AACS: variants seen among roughly 807,000 people sequenced by gnomAD.
AACS encodes acetoacetate-CoA ligase.
Under a neutral mutation model 83.1 loss-of-function variants are expected in AACS, and 69 were observed. The observed-to-expected ratio is 0.83, with a 90% CI of 0.68 to 1.01. The LOEUF is 1.01. Ranked by LOEUF, AACS falls within the 50% of genes least tolerant of loss-of-function variation. The pLI, the probability that AACS is intolerant of heterozygous loss-of-function variation, is 0.00. For synonymous variants in AACS, 333 were observed against 343.4 expected, an observed-to-expected ratio of 0.97 and a Z score of 0.33; for missense variants, 866 against 882.2, an observed-to-expected ratio of 0.98 and a Z score of 0.23.
intron 5 of AACS, chr12:125,092,626 T>G (rs1340856655): frequency 1.3e-5 from 2 of 152,352 alleles, no homozygotes; most frequent in Non-Finnish European, 2.9e-5. Context: ...AGATCTGTAC[T>G]GTGTGGCTGG....
intron 5 of AACS, 190 bp from the exon 6 acceptor site, chr12:125,102,489 C>T: frequency 1.8e-6 from 1 of 557,344 alleles, no homozygotes; most frequent in Non-Finnish European, 3.2e-6. Flanking sequence ...TTTTTAGAGA[C>T]AGGGTCTCAC....
chr12:125,083,447 G>A (rs1270876901), intron 3 of AACS, among the ~76,000 whole-genome samples: 2 of 152,170 alleles, frequency 1.3e-5, no homozygotes, highest in Non-Finnish European at 2.9e-5. Flanking sequence ...TGTGGAGGCC[G>A]GCTACACACT....
rs370378545 is a variant in AACS, at chr12:125,067,714, A to G, written c.133+1997A>G. On this transcript the variant is annotated intron_variant, in intron 1 of 17. Transcript: ENST00000316519. ...ATGCCCGGCTAATTTTTGTATTTTT[A>G]GTAGAGACGGGGTTTCACCATGTAG... 4.9e-4 allele frequency among the ~76,000 whole-genome samples: 74 copies of G among 152,022 alleles called. 1 individual carries two copies. The highest frequency in any genetic ancestry group is 1.8e-3 in the African/African-American group (73 of 41,448).
chr12:125,066,321 C>T (rs1416387772), intron 1 of AACS, among the ~76,000 whole-genome samples: 1 of 151,978 alleles, frequency 6.6e-6, no homozygotes, highest in Non-Finnish European at 1.5e-5. Flanking sequence ...CTGCCTCTCT[C>T]GGTGCGGGTG....
rs556780146 is a variant in AACS at position 125,097,886 on chromosome 12, GTCC to G, written c.571-4788_571-4786del. On this transcript the variant is annotated intron_variant, in intron 5 of 17. Coordinates refer to ENST00000316519, the MANE Select transcript of AACS (RefSeq NM_023928.5). This position sits in a 1 kb window ranked among gnomAD's most constrained non-coding sequence, Gnocchi z 4.3. ...TGGCTGTTCTTGCCGCCTCTCCACT[GTCC>G]TCCTTCATACGTTTGATTGAGCGGT... Among the ~76,000 whole-genome samples, 37 of 152,252 alleles carry G rather than the reference GTCC, an allele frequency of 2.4e-4. No homozygotes were observed. The highest frequency in any genetic ancestry group is 8.7e-4 in the African/African-American group (36 of 41,552).
chr12:125,070,199 G>A (rs538400361), intron 1 of AACS, among the ~76,000 whole-genome samples: 1 of 152,318 alleles, frequency 6.6e-6, no homozygotes, highest in South Asian at 2.1e-4. Flanking sequence ...CGGTTCTCCT[G>A]TCCAGCCTGC....
intron 1 of AACS, among the ~76,000 whole-genome samples, chr12:125,070,506 A>G (rs1955831737): frequency 6.6e-6 from 1 of 152,164 alleles, no homozygotes; most frequent in South Asian, 2.1e-4. Flanking sequence ...CTCTAAGAAA[A>G]TGAATAATAA....
intron 4 of AACS, among the ~76,000 whole-genome samples, chr12:125,089,424 TC>T (rs1956412685): frequency 6.6e-6 from 1 of 152,142 alleles, no homozygotes; most frequent in South Asian, 2.1e-4. Context: ...TGGCCCTTCG[TC>T]TCGTGACTGC....
chr12:125,103,057 T>C lies in AACS; in HGVS notation c.743T>C (p.Ile248Thr), dbSNP rs760734590. The C allele has an allele frequency of 1.6e-5, 26 of 1,613,972 alleles. No homozygotes were observed. The highest frequency in any genetic ancestry group is 2.1e-5 in the Non-Finnish European group (25 of 1,180,028). The change falls in exon 7 of 18, where the codon ATA becomes ACA. Residue 248 changes from isoleucine (I) to threonine (T), a missense_variant. Coordinates refer to ENST00000316519, the MANE Select transcript of AACS (RefSeq NM_023928.5). ...CCTTATGTGTCCTCCAGAGAGAACA[T>C]AGACCTTTCAAAGATTCCAAACAGG... ...VIPYVSSREN[I>T]DLSKIPNSVF...
intron 5 of AACS, chr12:125,101,831 A>G (rs1956715056): frequency 7.9e-6 from 1 of 127,220 alleles, no homozygotes; most frequent in South Asian, 2.3e-4. Flanking sequence ...CAGTGGCACT[A>G]TCTTGGTTCA....
Position 125,142,387 on chromosome 12 carries a change from T to A in AACS, c.*158T>A. Reference sequence around the variant, plus strand: ...GATCGTTTCTCTGTTTTGTTAAATCTGGTGGGTACCTGGATCTTCCACACG... The same window carrying A: ...GATCGTTTCTCTGTTTTGTTAAATCAGGTGGGTACCTGGATCTTCCACACG... On this transcript the variant is annotated 3_prime_UTR_variant, in exon 18 of 18. Transcript: ENST00000316519. 9.3e-7 allele frequency: 1 copy of A among 1,072,292 alleles called. No individual in the cohort carries two copies. The highest frequency in any genetic ancestry group is 1.3e-6 in the Non-Finnish European group (1 of 765,146). 66.4% of individuals were successfully genotyped at this position (1,072,292 alleles called of 1,614,324 possible).
Position 125,129,153 on chromosome 12 carries a change from C to A in AACS, c.1424-182C>A. On this transcript the variant is annotated intron_variant, in intron 13 of 17. Transcript: ENST00000316519. This position sits in a 1 kb window ranked among gnomAD's most constrained non-coding sequence, Gnocchi z 4.3. ...TTTTGGGGAGCACACAGGGAGGGGA[C>A]TTCATCTGGGAGGAACGCATTATTA... 1 of 761,936 alleles carries A rather than the reference C, an allele frequency of 1.3e-6. No individual in the cohort carries two copies. The highest frequency in any genetic ancestry group is 1.9e-6 in the Non-Finnish European group (1 of 524,294). 47.2% of individuals were successfully genotyped at this position (761,936 alleles called of 1,614,324 possible). A position where few individuals can be genotyped will look rare whatever the true frequency, so the allele number is the denominator to read the frequency against.
chr12:125,101,508 C>G (rs543915576), intron 5 of AACS: 1 of 152,120 alleles, frequency 6.6e-6, no homozygotes, highest in Admixed American at 6.5e-5. Context: ...TTGAAGATTC[C>G]GAGAACCAAA....
At chr12:125,118,846 C>T in intron 10 of AACS, 81 bp downstream of exon 10, 5 of 1,560,476 alleles carry the variant, frequency 3.2e-6, no homozygotes, top group Non-Finnish European at 4.3e-6. Context: ...AGAGCTGTGC[C>T]TGCCTTCTAC....
intron 3 of AACS, chr12:125,078,188 ACCAGCAGCC>A (rs1409586632): frequency 2.2e-6 from 1 of 456,224 alleles, no homozygotes; most frequent in Admixed American, 2.3e-5. Context: ...CGTGGGAAGG[ACCAGCAGCC>A]CCTGTGCAGT....
At position 125,066,450 on chromosome 12, in the gene AACS, A is replaced by ATTTTT. The variant is rs34299644; in HGVS notation, c.133+747_133+751dup. 9.4e-5 allele frequency among the ~76,000 whole-genome samples: 10 copies of ATTTTT among 106,920 alleles called. 1 individual carries two copies. Among genetic ancestry groups the ATTTTT allele is most frequent in the African/African-American group, 3.0e-4 (8 of 26,516 alleles). 70.1% of individuals were successfully genotyped at this position (106,920 alleles called of 152,430 possible). A position where few individuals can be genotyped will look rare whatever the true frequency, so the allele number is the denominator to read the frequency against. On this transcript the variant is annotated intron_variant, in intron 1 of 17. Transcript: ENST00000316519. ...TGCCTCCCCTAGGTATTCCTAGGGG[A>ATTTTT]TTTTTTTTTTTTTTTTTTGAGACAG...
At position 125,110,115 on chromosome 12, in the gene AACS, G is replaced by A. The variant is rs564683404; in HGVS notation, c.915+2847G>A. On this transcript the variant is annotated intron_variant, in intron 8 of 17. Coordinates refer to ENST00000316519, the MANE Select transcript of AACS (RefSeq NM_023928.5). ...GCTCACTGCAACCTCTGCCTCCCGGGTTCAAGCGATTCTTGTGCCTCAGCC... is the reference window on the plus strand; with the variant it reads ...GCTCACTGCAACCTCTGCCTCCCGGATTCAAGCGATTCTTGTGCCTCAGCC... Among the ~76,000 whole-genome samples the A allele has an allele frequency of 3.3e-5, 5 of 151,696 alleles. No homozygotes were observed. In the East Asian group the frequency reaches 7.8e-4, roughly 24 times the overall value.
rs555381088 is a variant in AACS, at chr12:125,141,262, T to A, written c.1882-830T>A. Reference sequence around the variant, plus strand: ...CCCTGAACCCTGAGAGATACTCTTTTTTATATTCCCATCTGGAATATGCAC... The same window carrying A: ...CCCTGAACCCTGAGAGATACTCTTTATTATATTCCCATCTGGAATATGCAC... On this transcript the variant is annotated intron_variant, in intron 17 of 17. Transcript: ENST00000316519. 267 of 152,842 alleles carry A rather than the reference T, an allele frequency of 1.7e-3. 1 individual carries two copies. Among genetic ancestry groups the A allele is most frequent in the Non-Finnish European group, 3.2e-3 (217 of 68,066 alleles). 9.5% of individuals were successfully genotyped at this position (152,842 alleles called of 1,614,324 possible).
rs529444098 is a variant in AACS at position 125,068,932 on chromosome 12, C to T, written c.133+3215C>T. Among the ~76,000 whole-genome samples the T allele has an allele frequency of 3.3e-5, 5 of 151,918 alleles. No individual in the cohort carries two copies. In the South Asian group the frequency reaches 6.2e-4, roughly 19 times the overall value. On this transcript the variant is annotated intron_variant, in intron 1 of 17. Coordinates refer to ENST00000316519, the MANE Select transcript of AACS (RefSeq NM_023928.5). The stretch of plus-strand genomic sequence containing the variant: ...TCGGCTTACTGCAACCTCCGCCTCC[C>T]GGGTTCAAGCAGTTCTCCTGCCTCA...
Sources: gnomAD v4.1 joint callset for allele counts (sites outside exome capture counted in the v4.1 genomes callset) on GRCh38, gnomAD v4.1.1 for gene constraint, Gnocchi (gnomAD v3.1) non-coding constraint, MANE v1.5 for transcripts, NCBI Gene and HGNC (gene_info 2026-07-23, HGNC 2026-07-21) for gene names.